Variants in OLA1 observed in about 807,000 individuals in gnomAD.
OLA1 encodes the protein obg-like ATPase 1.
A neutral mutation model predicts 48.4 loss-of-function variants in OLA1; 14 were observed. That is an observed-to-expected ratio of 0.29 (90% CI 0.19 to 0.45). The LOEUF is 0.45. Ranked by LOEUF, OLA1 falls within the 20% of genes least tolerant of loss-of-function variation. The pLI is 1.00. For synonymous variants in OLA1, 127 were observed against 150.4 expected, an observed-to-expected ratio of 0.84 and a Z score of 1.14; for missense variants, 325 against 467.1, an observed-to-expected ratio of 0.70 and a Z score of 2.80.
chr2:174,196,623 G>A (rs966655617), intron 4 of OLA1, among the ~76,000 whole-genome samples: 1 of 152,162 alleles, frequency 6.6e-6, no homozygotes, highest in Admixed American at 6.5e-5. Context: ...AAATACAAAA[G>A]AATTTCTTGC....
intron 9 of OLA1, chr2:174,080,832 C>T (rs1684837939): frequency 4.9e-6 from 1 of 204,634 alleles, no homozygotes; most frequent in African/African-American, 2.4e-5. Context: ...AATTTCACTG[C>T]AGACAAACCC....
intron 3 of OLA1, among the ~76,000 whole-genome samples, chr2:174,227,282 C>T (rs1688637578): frequency 6.6e-6 from 1 of 152,026 alleles, no homozygotes; most frequent in Non-Finnish European, 1.5e-5. Flanking sequence ...GATAAAACAA[C>T]TGAACAAACA....
At chr2:174,232,022 G>C (rs760871935) in intron 2 of OLA1, among the ~76,000 whole-genome samples, 8 of 152,058 alleles carry the variant, frequency 5.3e-5, no homozygotes, top group Non-Finnish European at 1.0e-4. Context: ...TTAAAAGCAG[G>C]AGAAAGATTC....
chr2:174,226,438 T>C (rs1371490052), intron 3 of OLA1, among the ~76,000 whole-genome samples: 2 of 152,208 alleles, frequency 1.3e-5, no homozygotes, highest in African/African-American at 4.8e-5. Flanking sequence ...TTAATCGCTA[T>C]ACTGTAATGA....
chr2:174,209,026 A>C (rs1688178656), intron 4 of OLA1, among the ~76,000 whole-genome samples: 1 of 152,216 alleles, frequency 6.6e-6, no homozygotes, highest in Non-Finnish European at 1.5e-5. Flanking sequence ...ATGGTGGCGC[A>C]TGACTGTAGT....
intron 5 of OLA1, among the ~76,000 whole-genome samples, chr2:174,139,889 G>GA (rs1686402203): frequency 3.0e-5 from 4 of 131,942 alleles, no homozygotes; most frequent in Admixed American, 7.5e-5. Flanking sequence ...AAGAAAGAAA[G>GA]AAAGAAAAAA....
rs1429046120 is a variant in OLA1 at position 174,099,808 on chromosome 2, T to A, written c.729-17744A>T. Among the ~76,000 whole-genome samples the A allele has an allele frequency of 2.0e-5, 3 of 152,342 alleles. No individual in the cohort carries two copies. The East Asian group carries it at 5.8e-4, about 29-fold the overall frequency. On this transcript the variant is annotated intron_variant, in intron 7 of 10. Coordinates refer to ENST00000284719, the MANE Select transcript of OLA1 (RefSeq NM_013341.5). ...CAAAATAATAATCATAAATGAGAAA[T>A]CAAATGCTATGTAATTGACTTAAGT...
chr2:174,140,198 C>A (rs140507177), intron 5 of OLA1, among the ~76,000 whole-genome samples: 2 of 152,160 alleles, frequency 1.3e-5, no homozygotes, highest in East Asian at 3.9e-4. Flanking sequence ...AAATGACCTG[C>A]CTATCTTTCT....
intron 4 of OLA1, among the ~76,000 whole-genome samples, chr2:174,149,930 T>TACTAC (rs748453202): frequency 6.6e-6 from 1 of 152,212 alleles, no homozygotes; most frequent in Non-Finnish European, 1.5e-5. Context: ...TTTCCTATAT[T>TACTAC]ACTACATAAA....
chr2:174,236,959 T>C (rs13423652), intron 2 of OLA1, among the ~76,000 whole-genome samples: 65,057 of 152,022 alleles, frequency 0.43, 14,010 homozygotes, highest in Middle Eastern at 0.5. Flanking sequence ...TTTATGAACA[T>C]TGTACATTCA....
intron 4 of OLA1, among the ~76,000 whole-genome samples, chr2:174,221,402 T>G (rs745783858): frequency 6.6e-6 from 1 of 152,138 alleles, no homozygotes; most frequent in Non-Finnish European, 1.5e-5. Context: ...AAATTTTAAG[T>G]CAAATATCCC....
chr2:174,151,678 A>C (rs180956155), intron 4 of OLA1, among the ~76,000 whole-genome samples: 121 of 152,328 alleles, frequency 7.9e-4, no homozygotes, highest in African/African-American at 2.7e-3. Flanking sequence ...CTGGTTCCCA[A>C]CTCCCTTATA....
chr2:174,107,556 T>C (rs1303774969), intron 7 of OLA1, among the ~76,000 whole-genome samples: 2 of 152,100 alleles, frequency 1.3e-5, no homozygotes, highest in Admixed American at 6.6e-5. Flanking sequence ...GCAAAGACAG[T>C]ATCCTAAAAA....
At chr2:174,095,072 T>G (rs1010568232) in intron 7 of OLA1, among the ~76,000 whole-genome samples, 4 of 152,232 alleles carry the variant, frequency 2.6e-5, no homozygotes, top group African/African-American at 9.6e-5. Context: ...TTTGGGTTGC[T>G]TCTATCGCTA....
chr2:174,243,290 G>C (rs150389300), intron 2 of OLA1, among the ~76,000 whole-genome samples: 5 of 152,152 alleles, frequency 3.3e-5, no homozygotes, highest in Non-Finnish European at 5.9e-5. Context: ...AACCAGGCAC[G>C]GTGTTTTGTG....
At chr2:174,239,478 A>T (rs1322005961) in intron 2 of OLA1, among the ~76,000 whole-genome samples, 1 of 152,186 alleles carries the variant, frequency 6.6e-6, no homozygotes, top group Non-Finnish European at 1.5e-5. Context: ...ACCCCAAATG[A>T]GAGCTGTACA....
intron 4 of OLA1, among the ~76,000 whole-genome samples, chr2:174,143,500 G>C (rs998203139): frequency 3.9e-5 from 6 of 152,176 alleles, no homozygotes; most frequent in African/African-American, 1.4e-4. Context: ...ACTTACAGGA[G>C]TGACTAAGCT....
chr2:174,212,536 C>G (rs1688266655), intron 4 of OLA1, among the ~76,000 whole-genome samples: 2 of 152,136 alleles, frequency 1.3e-5, no homozygotes, highest in East Asian at 1.9e-4. Flanking sequence ...AATCAATTAG[C>G]CTTAGCTTAC....
At chr2:174,102,120 A>G (rs564102546) in intron 7 of OLA1, among the ~76,000 whole-genome samples, 1 of 152,242 alleles carries the variant, frequency 6.6e-6, no homozygotes, top group Admixed American at 6.5e-5. Context: ...ATTAGCAGAG[A>G]GCAATCCTTC....
Sources: allele counts gnomAD v4.1 joint callset (sites outside exome capture counted in the v4.1 genomes callset), GRCh38; gene constraint gnomAD v4.1.1; transcripts MANE v1.5; gene names NCBI Gene and HGNC (gene_info 2026-07-23, HGNC 2026-07-21).